Variants in NOL4 observed in about 807,000 individuals in gnomAD.
NOL4 encodes the protein nucleolar protein 4.
In NOL4, 17 loss-of-function variants were observed where a neutral mutation model predicts 75.9. That is an observed-to-expected ratio of 0.22 (90% CI 0.15 to 0.34). NOL4 has a LOEUF of 0.34. Ranked by LOEUF, NOL4 falls within the 10% of genes least tolerant of loss-of-function variation. The pLI is 1.00. For synonymous variants in NOL4, 292 were observed against 289.9 expected (o/e 1.01, Z -0.07); for missense variants, 614 against 793.5 (o/e 0.77, Z 2.72).
intron 9 of NOL4, among the ~76,000 whole-genome samples, chr18:33,930,554 G>A (rs1010279446): frequency 9.9e-5 from 15 of 152,170 alleles, no homozygotes; most frequent in African/African-American, 3.6e-4. Context: ...TAGAGACCAT[G>A]TGAGTAGATA....
intron 1 of NOL4, among the ~76,000 whole-genome samples, chr18:34,175,472 C>A (rs182451926): frequency 6.6e-6 from 1 of 152,260 alleles, no homozygotes; most frequent in East Asian, 1.9e-4. Context: ...TGAAACTCTG[C>A]AGCATATTCC....
intron 8 of NOL4, among the ~76,000 whole-genome samples, chr18:33,950,187 C>G (rs1403154269): frequency 6.6e-6 from 1 of 151,268 alleles, no homozygotes. Context: ...TTTAATGTAT[C>G]AATTCTTGGC....
chr18:33,950,239 A>G (rs2069122159), intron 8 of NOL4, among the ~76,000 whole-genome samples: 5 of 151,966 alleles, frequency 3.3e-5, no homozygotes. Context: ...TAACACTTTA[A>G]TAGTTTAAAA....
rs2037492537 is a variant in NOL4 at position 34,224,336 on chromosome 18, G to C, written c.-1083C>G. ...TTGGTCACAGTTTGCAGTTCACACG[G>C]GAGGTTTCAGTTGTCTATTTTCCCC... On this transcript the variant is annotated 5_prime_UTR_variant, in exon 1 of 11. Transcript: ENST00000261592. 6.6e-6 allele frequency: 1 copy of C among 152,554 alleles called. No homozygotes were observed. The highest frequency in any genetic ancestry group is 1.5e-5 in the Non-Finnish European group (1 of 68,316). 9.5% of individuals were successfully genotyped at this position (152,554 alleles called of 1,614,324 possible).
chr18:33,871,429 C>CATTCTG (rs1343039405), intron 10 of NOL4, among the ~76,000 whole-genome samples: 2 of 151,988 alleles, frequency 1.3e-5, no homozygotes, highest in Non-Finnish European at 2.9e-5. Context: ...CCTGAAAAAG[C>CATTCTG]AGGACATTCT....
intron 9 of NOL4, among the ~76,000 whole-genome samples, chr18:33,933,051 C>T (rs1415833218): frequency 6.6e-6 from 1 of 152,040 alleles, no homozygotes; most frequent in African/African-American, 2.4e-5. Context: ...TCCAGACATA[C>T]CTCAGAGATA....
intron 1 of NOL4, among the ~76,000 whole-genome samples, chr18:34,137,806 A>G (rs1008240923): frequency 5.9e-5 from 9 of 151,818 alleles, no homozygotes; most frequent in African/African-American, 1.9e-4. Flanking sequence ...ACACACACAC[A>G]CACGCACGCA....
chr18:33,872,061 C>A lies in NOL4; in HGVS notation c.1723+11183G>T, dbSNP rs534739027. 2.6e-5 allele frequency among the ~76,000 whole-genome samples: 4 copies of A among 152,104 alleles called. No individual in the cohort carries two copies. The East Asian group carries it at 7.8e-4, about 29-fold the overall frequency. ...GAATCATCTCTCTGAATCTATGTAT[C>A]TCAATATATATCTTTATAAATAATT... On this transcript the variant is annotated intron_variant, in intron 10 of 10. Coordinates refer to ENST00000261592, the MANE Select transcript of NOL4 (RefSeq NM_003787.5).
intron 1 of NOL4, among the ~76,000 whole-genome samples, chr18:34,200,740 A>C (rs888972060): frequency 6.6e-6 from 1 of 151,762 alleles, no homozygotes; most frequent in African/African-American, 2.4e-5. Context: ...AATATAAAAA[A>C]GTTGATCTGT....
At chr18:33,944,350 C>CA (rs2068698340) in intron 8 of NOL4, among the ~76,000 whole-genome samples, 1 of 151,846 alleles carries the variant, frequency 6.6e-6, no homozygotes, top group Admixed American at 6.6e-5. Context: ...GCTTACATCT[C>CA]AAATAATATT....
chr18:34,144,837 G>C (rs1394399815), intron 1 of NOL4, among the ~76,000 whole-genome samples: 1 of 152,134 alleles, frequency 6.6e-6, no homozygotes, highest in East Asian at 1.9e-4. Context: ...CTGACATGCA[G>C]TTCTCCATGA....
At position 34,087,243 on chromosome 18, in the gene NOL4, C is replaced by T. The variant is rs577793125; in HGVS notation, c.772+6222G>A. Among the ~76,000 whole-genome samples the T allele has an allele frequency of 2.0e-5, 3 of 152,202 alleles. No individual in the cohort carries two copies. The East Asian group carries it at 5.8e-4, about 29-fold the overall frequency. The stretch of plus-strand genomic sequence containing the variant: ...GGAGTTTCAGGAGGCCAGTTTAGCA[C>T]ATAATCTGAATTAGGATATAAGAAA... On this transcript the variant is annotated intron_variant, in intron 5 of 10. Coordinates refer to ENST00000261592, the MANE Select transcript of NOL4 (RefSeq NM_003787.5).
chr18:34,121,433 G>GCT (rs1568366947), intron 2 of NOL4: 1 of 152,186 alleles, frequency 6.6e-6, no homozygotes, highest in Non-Finnish European at 1.5e-5. Context: ...CTTACACACT[G>GCT]CTGGTCTGTG....
intron 1 of NOL4, among the ~76,000 whole-genome samples, chr18:34,171,998 G>A (rs978620670): frequency 6.6e-6 from 1 of 151,966 alleles, no homozygotes; most frequent in African/African-American, 2.4e-5. Flanking sequence ...CTGTACAAAA[G>A]AATGAGAGCT....
In NOL4 at chr18:34,199,651, A is replaced by C. The variant is rs141592233; in HGVS notation, c.264+23339T>G. On this transcript the variant is annotated intron_variant, in intron 1 of 10. Transcript: ENST00000261592. The stretch of plus-strand genomic sequence containing the variant: ...TGTTCTGTAAACCTATTATTCTATC[A>C]TGACACAAGCCTAGAAATCAGTGGC... Among the ~76,000 whole-genome samples, 1,251 of 151,970 alleles carry C rather than the reference A, an allele frequency of 8.2e-3. 10 individuals are homozygous for C. Among genetic ancestry groups the C allele is most frequent in the Non-Finnish European group, 0.011 (742 of 67,802 alleles).
intron 6 of NOL4, among the ~76,000 whole-genome samples, chr18:34,002,477 C>A (rs76448810): frequency 0.04 from 6,012 of 152,078 alleles, 140 homozygotes; most frequent in Middle Eastern, 0.065. Flanking sequence ...TCCCAAGACC[C>A]AAACCAGTGT....
At chr18:34,222,042 T>A in intron 1 of NOL4, 1 of 1,535,590 alleles carries the variant, frequency 6.5e-7, no homozygotes, top group Non-Finnish European at 8.7e-7. Context: ...CAGAAAGGTC[T>A]CCTGCATCAG....
chr18:34,179,316 A>G (rs920458814), intron 1 of NOL4, among the ~76,000 whole-genome samples: 2 of 151,414 alleles, frequency 1.3e-5, no homozygotes, highest in Admixed American at 6.6e-5. Context: ...GAAAAATCAC[A>G]CTAAACTCAA....
intron 4 of NOL4, among the ~76,000 whole-genome samples, chr18:34,095,392 G>A (rs866581459): frequency 1.3e-5 from 2 of 151,538 alleles, no homozygotes; most frequent in African/African-American, 2.4e-5. Context: ...ATATACACAC[G>A]TTGATAGATG....
Sources: allele counts gnomAD v4.1 joint callset (sites outside exome capture counted in the v4.1 genomes callset), GRCh38; gene constraint gnomAD v4.1.1; transcripts MANE v1.5; gene names NCBI Gene and HGNC (gene_info 2026-07-23, HGNC 2026-07-21).